RGS12: variants seen among roughly 807,000 people sequenced by gnomAD.
The protein encoded by RGS12 is regulator of G protein signaling 12.
A neutral mutation model predicts 120.1 loss-of-function variants in RGS12; 66 were observed. The ratio of observed to expected loss-of-function variants is 0.55; its 90% CI spans 0.45 to 0.67. RGS12 has a LOEUF of 0.67. Among genes scored for constraint, RGS12 ranks in the 30% least tolerant of loss-of-function variants. RGS12 has a pLI of 0.00. For missense variants in RGS12, 1,859 were observed against 1,957.7 expected (o/e 0.95, Z 0.95); for synonymous variants, 827 against 804.7 (o/e 1.03, Z -0.47).
chr4:3,358,084 T>G (rs76813136), intron 3 of RGS12, among the ~76,000 whole-genome samples: 4,882 of 152,308 alleles, frequency 0.032, 240 homozygotes, highest in African/African-American at 0.11. Flanking sequence ...AGTTAATTCC[T>G]CAGTATTCTT....
chr4:3,392,539 C>A (rs1001008273), intron 4 of RGS12, among the ~76,000 whole-genome samples: 1 of 152,200 alleles, frequency 6.6e-6, no homozygotes, highest in African/African-American at 2.4e-5. Flanking sequence ...GTTCACTGAT[C>A]TGTCATTTTA....
chr4:3,363,022 G>A (rs921566145), intron 3 of RGS12, among the ~76,000 whole-genome samples: 1 of 150,856 alleles, frequency 6.6e-6, no homozygotes, highest in Non-Finnish European at 1.5e-5. Flanking sequence ...TGAGTGCATG[G>A]CAAGGCCATT....
Position 3,390,767 on chromosome 4 carries a change from C to T in RGS12, c.2020+4330C>T, listed in dbSNP as rs907737701. On this transcript the variant is annotated intron_variant, in intron 4 of 17. Transcript: ENST00000336727. The surrounding 1 kb of genome is among the most constrained non-coding windows in gnomAD (Gnocchi z 4.6). The stretch of plus-strand genomic sequence containing the variant: ...TCTTCATCTCGCCGGTCCTTGTTAG[C>T]GAACAGGCACTGAGGCCTGGGGAGC... Among the ~76,000 whole-genome samples the T allele has an allele frequency of 3.9e-5, 6 of 152,200 alleles. No homozygotes were observed. Among genetic ancestry groups the T allele is most frequent in the Non-Finnish European group, 8.8e-5 (6 of 68,038 alleles).
At chr4:3,432,011 T>C (rs1024394868) in intron 17 of RGS12, 1 of 985,410 alleles carries the variant, frequency 1.0e-6, no homozygotes, top group South Asian at 4.7e-5. Context: ...AGGACACGCC[T>C]GGATGAGAAA....
chr4:3,287,559 C>A, the RGS12 span, among the ~76,000 whole-genome samples: 3 of 152,230 alleles, frequency 2.0e-5, no homozygotes, highest in East Asian at 5.8e-4. Context: ...ACCTCCCCAG[C>A]CCCTGGCCCT....
Position 3,414,235 on chromosome 4 carries a change from C to T in RGS12, c.2184C>T (p.Tyr728=), listed in dbSNP as rs1294236571. The change falls in exon 5 of 18, where the codon TAC becomes TAT. Residue 728 remains tyrosine (Y), a synonymous_variant. Coordinates refer to ENST00000336727, the MANE Select transcript of RGS12 (RefSeq NM_001394154.1). ...RLLQDPVGVR[Y]FSDFLRKEFS... Reference sequence around the variant, plus strand: ...TGCAGGACCCCGTCGGTGTCCGCTACTTCTCTGTGAGTAGGGAAGGGCCCA... The same window carrying T: ...TGCAGGACCCCGTCGGTGTCCGCTATTTCTCTGTGAGTAGGGAAGGGCCCA... 2 of 1,539,092 alleles carry T rather than the reference C, an allele frequency of 1.3e-6. No homozygotes were observed. Among genetic ancestry groups the T allele is most frequent in the African/African-American group, 1.4e-5 (1 of 73,138 alleles).
chr4:3,422,556 G>T lies in RGS12; in HGVS notation c.3019G>T (p.Val1007Leu). Residue 1007 changes from valine to leucine, a missense_variant, in exon 11 of 18, where the codon GTG becomes TTG. This residue lies in a region of RGS12 where 375 missense variants were observed against 475.0 expected (regional missense o/e 0.79). Coordinates refer to ENST00000336727, the MANE Select transcript of RGS12 (RefSeq NM_001394154.1). ...INGAAADLFLVGGDKPLVLHQ... is the reference protein window; with the variant it reads ...INGAAADLFLLGGDKPLVLHQ... ...CGGGGCGGCCGCGGACCTCTTCCTGGTGGGCGGGGACAAGGTACTGGGCCC... is the reference window on the plus strand; with the variant it reads ...CGGGGCGGCCGCGGACCTCTTCCTGTTGGGCGGGGACAAGGTACTGGGCCC... The T allele has an allele frequency of 6.2e-7, 1 of 1,612,266 alleles. No homozygotes were observed.
At chr4:3,289,054 G>A (rs114581385), upstream of RGS12, among the ~76,000 whole-genome samples, 1,339 of 152,238 alleles carry the variant, frequency 8.8e-3, 20 homozygotes, top group South Asian at 0.029. Flanking sequence ...GACCCAGTCC[G>A]AGGTCCCACC....
In RGS12 at chr4:3,433,775, T is replaced by C. The variant is rs1724562722; in HGVS notation, c.4114+2820T>C. 6.6e-6 allele frequency among the ~76,000 whole-genome samples: 1 copy of C among 151,352 alleles called. No individual in the cohort carries two copies. Among genetic ancestry groups the C allele is most frequent in the Admixed American group, 6.6e-5 (1 of 15,246 alleles). On this transcript the variant is annotated intron_variant, in intron 17 of 17. Transcript: ENST00000336727. This position sits in a 1 kb window ranked among gnomAD's most constrained non-coding sequence, Gnocchi z 4.4. Reference sequence around the variant, plus strand: ...ACGCCACGCGGCACTCCACCCCGTCTGTCTAGCCCCAGCACCACGCACCGA... The same window carrying C: ...ACGCCACGCGGCACTCCACCCCGTCCGTCTAGCCCCAGCACCACGCACCGA...
At chr4:3,409,044 C>G (rs184760007) in intron 4 of RGS12, among the ~76,000 whole-genome samples, 1 of 152,378 alleles carries the variant, frequency 6.6e-6, no homozygotes, top group East Asian at 1.9e-4. Context: ...TTATTTGCAG[C>G]TAAAGCAACT....
intron 3 of RGS12, among the ~76,000 whole-genome samples, chr4:3,347,959 A>G (rs985568953): frequency 2.0e-5 from 3 of 152,240 alleles, no homozygotes; most frequent in African/African-American, 4.8e-5. Flanking sequence ...AAGGTCTAGC[A>G]TCACGTATCA....
intron 3 of RGS12, among the ~76,000 whole-genome samples, chr4:3,351,614 A>G (rs1714364112): frequency 6.6e-6 from 1 of 152,190 alleles, no homozygotes; most frequent in Admixed American, 6.5e-5. Flanking sequence ...TGCTGGCAGA[A>G]AAGTCATCAG....
chr4:3,379,017 G>GTA (rs1392578840), intron 3 of RGS12, among the ~76,000 whole-genome samples: 4 of 148,902 alleles, frequency 2.7e-5, no homozygotes, highest in African/African-American at 9.8e-5. Context: ...GTGTGTGTGT[G>GTA]TGTGTGTGTG....
chr4:3,323,360 C>G (rs910135631), intron 2 of RGS12, among the ~76,000 whole-genome samples: 1 of 152,250 alleles, frequency 6.6e-6, no homozygotes, highest in Admixed American at 6.5e-5. Flanking sequence ...AGAGTCAGAG[C>G]CTTAGATGCT....
Position 3,297,961 on chromosome 4 carries a change from C to T in RGS12, c.-102+4862C>T, listed in dbSNP as rs190767453. Among the ~76,000 whole-genome samples the T allele has an allele frequency of 2.0e-4, 30 of 152,276 alleles. No homozygotes were observed. The East Asian group carries it at 5.6e-3, about 28-fold the overall frequency. On this transcript the variant is annotated intron_variant, in intron 1 of 17. Coordinates refer to ENST00000336727, the MANE Select transcript of RGS12 (RefSeq NM_001394154.1). ...CATCTTTATTTTACTCTCCAATTAC[C>T]TTTTAACTTAGCTGGGTATAAAATT...
chr4:3,345,825 T>C (rs1225653745), intron 3 of RGS12, among the ~76,000 whole-genome samples: 1 of 152,364 alleles, frequency 6.6e-6, no homozygotes, highest in East Asian at 1.9e-4. Flanking sequence ...GTCATGAACA[T>C]AGGCTTAAAG....
At chr4:3,409,524 A>T (rs1721509121) in intron 4 of RGS12, among the ~76,000 whole-genome samples, 1 of 152,200 alleles carries the variant, frequency 6.6e-6, no homozygotes, top group Non-Finnish European at 1.5e-5. Context: ...CAGTGTGGGA[A>T]TGGGGAGAGC....
intron 11 of RGS12, 99 bp downstream of exon 11, chr4:3,422,669 GCTC>G: frequency 4.5e-6 from 6 of 1,335,736 alleles, no homozygotes; most frequent in Non-Finnish European, 6.1e-6. Flanking sequence ...CCCCTCCTGC[GCTC>G]CTCATTTCAA....
chr4:3,416,523 G>A (rs1722418976), intron 7 of RGS12, among the ~76,000 whole-genome samples: 1 of 152,330 alleles, frequency 6.6e-6, no homozygotes, highest in African/African-American at 2.4e-5. Context: ...GCATGTCGCT[G>A]CGGCACGTGG....
Sources: allele counts gnomAD v4.1 joint callset (sites outside exome capture counted in the v4.1 genomes callset), GRCh38; gene constraint gnomAD v4.1.1; regional missense constraint gnomAD v4.1.1; non-coding constraint Gnocchi (gnomAD v3.1); transcripts MANE v1.5; gene names NCBI Gene and HGNC (gene_info 2026-07-23, HGNC 2026-07-21).